Variants in KMT2B observed in about 807,000 individuals in gnomAD.
The protein encoded by KMT2B is lysine methyltransferase 2B, also known as histone-lysine N-methyltransferase 2B.
In KMT2B, 22 loss-of-function variants were observed where a neutral mutation model predicts 255.3. That is an observed-to-expected ratio of 0.09 (90% CI 0.06 to 0.12). The LOEUF is 0.12. KMT2B is among the 10% of genes least tolerant of loss of function. The pLI is 1.00. For missense variants in KMT2B, 3,149 were observed against 3,737.0 expected, an observed-to-expected ratio of 0.84 and a Z score of 4.10; for synonymous variants, 1,730 against 1,498.1, an observed-to-expected ratio of 1.15 and a Z score of -3.57.
intron 8 of KMT2B, 68 bp from the exon 9 acceptor site, chr19:35,724,569 A>G (rs1204681580): frequency 4.6e-6 from 6 of 1,308,456 alleles, no homozygotes; most frequent in East Asian, 2.5e-5. Flanking sequence ...TCCAGGTAAC[A>G]TTTGGGGTTG....
Position 35,729,144 on chromosome 19 carries a change from C to T in KMT2B, c.4780-15C>T. 6.2e-7 allele frequency: 1 copy of T among 1,613,882 alleles called. No individual in the cohort carries two copies. Among genetic ancestry groups the T allele is most frequent in the East Asian group, 2.2e-5 (1 of 44,880 alleles). ...CCTGGCCTCCCCACATCATGCCACT[C>T]CTCTTCTGCCCCAGGAGGCGGGGCG... is the stretch of plus-strand genomic sequence containing the variant. On this transcript the variant is annotated splice_polypyrimidine_tract_variant and intron_variant, in intron 21 of 36. Transcript: ENST00000420124.
chr19:35,727,265 C>T lies in KMT2B; in HGVS notation c.4113C>T (p.Leu1371=). ...GGGTGCATGCCAAGTGCGAGGGGCT[C>T]TCAGGTGAGTCAGTGGAGCACCTGG... ...DHWVHAKCEG[L]SDEDYEILSG... is the part of the protein sequence containing the mutation. Residue 1371 remains leucine (L), a synonymous_variant, in exon 15 of 37, where the codon CTC becomes CTT. Transcript: ENST00000420124. This position sits in a 1 kb window ranked among gnomAD's most constrained non-coding sequence, Gnocchi z 4.2. The T allele has an allele frequency of 1.2e-6, 2 of 1,612,432 alleles. No individual in the cohort carries two copies. Among genetic ancestry groups the T allele is most frequent in the Non-Finnish European group, 1.7e-6 (2 of 1,178,772 alleles).
chr19:35,723,637 G>A lies in KMT2B; in HGVS notation c.3059-95G>A. 1 of 1,313,462 alleles carries A rather than the reference G, an allele frequency of 7.6e-7. No homozygotes were observed. The highest frequency in any genetic ancestry group is 1.0e-6 in the Non-Finnish European group (1 of 963,452). The allele number at this position is 1,313,462 out of a possible 1,614,324, so 81.4% of individuals were successfully genotyped here. A position where few individuals can be genotyped will look rare whatever the true frequency, so the allele number is the denominator to read the frequency against. On this transcript the variant is annotated intron_variant, in intron 7 of 36. Coordinates refer to ENST00000420124, the MANE Select transcript of KMT2B (RefSeq NM_014727.3). The surrounding 1 kb of genome is among the most constrained non-coding windows in gnomAD (Gnocchi z 7.5). ...TCCGTTGTGTGCTTTCATAGCTCCT[G>A]CGTTCATTCCCTGCCCCGCTTCTTT...
intron 18 of KMT2B, 34 bp downstream of exon 18, chr19:35,728,019 G>A (rs1352752638): frequency 1.3e-6 from 2 of 1,546,894 alleles, no homozygotes; most frequent in Admixed American, 1.9e-5. Flanking sequence ...TGGGGTGGGG[G>A]AGTGGGACCT....
rs775063117 is a variant in KMT2B at position 35,733,640 on chromosome 19, C to G, written c.7003C>G (p.Leu2335Val). ...RMKTPTVRGV[L>V]DLDRPGEPAG... is the part of the protein sequence containing the mutation. ...GAAAACCCCCACAGTGCGTGGGGTC[C>G]TTGACCTGGATCGGCCTGGGGAGCC... Residue 2335 changes from leucine (L) to valine (V), a missense_variant, in exon 29 of 37, where the codon CTT becomes GTT. Physicochemically the swap from Leu to Val is conservative, Grantham distance 32. Coordinates refer to ENST00000420124, the MANE Select transcript of KMT2B (RefSeq NM_014727.3). This position sits in a 1 kb window ranked among gnomAD's most constrained non-coding sequence, Gnocchi z 4.3. 6.3e-7 allele frequency: 1 copy of G among 1,598,056 alleles called. No homozygotes were observed. The highest frequency in any genetic ancestry group is 1.7e-5 in the Admixed American group (1 of 57,374).
At position 35,726,873 on chromosome 19, in the gene KMT2B, A is replaced by G. The variant is rs231593; in HGVS notation, c.4004-283A>G. ...ATGGCGGGCACCTGTAATCTCAGCT[A>G]CTCGGGAGGCTGAGGCAGGAGAATC... is the stretch of plus-strand genomic sequence containing the variant. On this transcript the variant is annotated intron_variant, in intron 14 of 36. Transcript: ENST00000420124. Among the ~76,000 whole-genome samples the G allele has an allele frequency of 3.1e-3, 471 of 151,302 alleles. 2 individuals carry two copies. The highest frequency in any genetic ancestry group is 0.011 in the African/African-American group (440 of 41,150).
rs200908859 is a variant in KMT2B, at chr19:35,733,229, C to T, written c.6680C>T (p.Thr2227Met). 7.1e-4 allele frequency: 1,057 copies of T among 1,490,482 alleles called. 4 individuals are homozygous for T. Among genetic ancestry groups the T allele is most frequent in the South Asian group, 3.5e-3 (288 of 81,406 alleles). The allele number at this position is 1,490,482 out of a possible 1,614,324, so 92.3% of individuals were successfully genotyped here. Residue 2227 changes from threonine (T) to methionine (M), a missense_variant, in exon 28 of 37, where the codon ACG becomes ATG. Physicochemically the swap from Thr to Met is moderately conservative, Grantham distance 81. Transcript: ENST00000420124. This position sits in a 1 kb window ranked among gnomAD's most constrained non-coding sequence, Gnocchi z 4.3. ...CCTTTGCCCCCCACCATTTCCCCCA[C>T]GGCTCCCACCTCCTGGACTCTGCCC... ...QPPLPPTISP[T>M]APTSWTLPPG...
intron 26 of KMT2B, 53 bp from the exon 27 acceptor site, chr19:35,731,855 C>A: frequency 7.5e-7 from 1 of 1,335,552 alleles, no homozygotes; most frequent in Non-Finnish European, 1.1e-6. Context: ...AGCATGTGGG[C>A]AGGCTTTGAC....
chr19:35,718,126 G>A lies in KMT2B; in HGVS notation c.108G>A (p.Arg36=). The part of the protein sequence containing the change: ...GAGGGGGRGG[R]GNGAERVRVA... ...GCGGGGGCGGGGGCCGCGGCGGACGGGGCAACGGGGCCGAAAGAGTGCGGG... is the reference window on the plus strand; with the variant it reads ...GCGGGGGCGGGGGCCGCGGCGGACGAGGCAACGGGGCCGAAAGAGTGCGGG... Residue 36 remains arginine, a synonymous_variant, in exon 1 of 37, where the codon CGG becomes CGA. Transcript: ENST00000420124. The surrounding 1 kb of genome is among the most constrained non-coding windows in gnomAD (Gnocchi z 5.0). 9.8e-7 allele frequency: 1 copy of A among 1,017,218 alleles called. No homozygotes were observed. Among genetic ancestry groups the A allele is most frequent in the Non-Finnish European group, 1.2e-6 (1 of 852,318 alleles). The allele number at this position is 1,017,218 out of a possible 1,614,324, so 63.0% of individuals were successfully genotyped here.
In KMT2B at chr19:35,727,527, G is replaced by A. The variant is rs971655293; in HGVS notation, c.4207G>A (p.Glu1403Lys). Residue 1403 changes from glutamate to lysine, a missense_variant, in exon 16 of 37, where the codon GAG (glutamate) becomes AAG (lysine). Around this residue, in one of 18 missense-constraint regions of KMT2B, gnomAD observed 377 missense variants for 471.0 expected, o/e 0.80. Transcript: ENST00000420124. This position sits in a 1 kb window ranked among gnomAD's most constrained non-coding sequence, Gnocchi z 4.2. ...CAGAAQPRWR[E>K]ALSGALQGGL... ...TGGGGCAGCGCAGCCCCGCTGGCGAGAGGCCCTGAGCGGGGCCCTCCAGGG... is the reference window on the plus strand; with the variant it reads ...TGGGGCAGCGCAGCCCCGCTGGCGAAAGGCCCTGAGCGGGGCCCTCCAGGG... 6.8e-6 allele frequency: 11 copies of A among 1,609,830 alleles called. No individual in the cohort carries two copies. The highest frequency in any genetic ancestry group is 9.3e-6 in the Non-Finnish European group (11 of 1,179,676).
chr19:35,729,909 G>A, intron 22 of KMT2B, 58 bp from the exon 23 acceptor site: 2 of 1,533,642 alleles, frequency 1.3e-6, no homozygotes, highest in East Asian at 4.7e-5. Flanking sequence ...AGTGACAGTG[G>A]TGCCTGGCGC....
Position 35,727,259 on chromosome 19 carries a change from G to C in KMT2B, c.4107G>C (p.Glu1369Asp). The change falls in exon 15 of 37, where the codon GAG becomes GAC. Residue 1369 changes from glutamate to aspartate, a missense_variant. By Grantham distance (45) the Glu-to-Asp change is conservative (BLOSUM62 2). Around this residue, in one of 18 missense-constraint regions of KMT2B, gnomAD observed 377 missense variants for 471.0 expected, o/e 0.80. Transcript: ENST00000420124. This position sits in a 1 kb window ranked among gnomAD's most constrained non-coding sequence, Gnocchi z 4.2. ...QCDHWVHAKC[E>D]GLSDEDYEIL... ...ATCACTGGGTGCATGCCAAGTGCGA[G>C]GGGCTCTCAGGTGAGTCAGTGGAGC... is the stretch of plus-strand genomic sequence containing the variant. 2 of 1,613,032 alleles carry C rather than the reference G, an allele frequency of 1.2e-6. No homozygotes were observed. Among genetic ancestry groups the C allele is most frequent in the Non-Finnish European group, 1.7e-6 (2 of 1,179,328 alleles).
Position 35,721,221 on chromosome 19 carries a change from C to T in KMT2B, c.1874C>T (p.Pro625Leu), listed in dbSNP as rs1568369252. The T allele has an allele frequency of 5.4e-6, 8 of 1,492,534 alleles. No individual in the cohort carries two copies. The highest frequency in any genetic ancestry group is 2.5e-5 in the East Asian group (1 of 40,126). 92.5% of individuals were successfully genotyped at this position (1,492,534 alleles called of 1,614,324 possible). A position where few individuals can be genotyped will look rare whatever the true frequency, so the allele number is the denominator to read the frequency against. ...TRELPPPPPA[P>L]PPPPAPSPPP... ...GAGCTGCCCCCTCCTCCCCCAGCCC[C>T]TCCACCTCCCCCGGCCCCCTCCCCA... The change falls in exon 3 of 37, where the codon CCT becomes CTT. Residue 625 changes from proline to leucine, a missense_variant. Physicochemically the swap from Pro to Leu is moderately conservative, Grantham distance 98. Coordinates refer to ENST00000420124, the MANE Select transcript of KMT2B (RefSeq NM_014727.3).
Position 35,733,307 on chromosome 19 carries a change from C to CGG in KMT2B, c.6759_6760insGG (p.Pro2254GlyfsTer8). On this transcript the variant is annotated frameshift_variant, in exon 28 of 37. Transcript: ENST00000420124. LOFTEE classifies it high-confidence loss of function. The surrounding 1 kb of genome is among the most constrained non-coding windows in gnomAD (Gnocchi z 4.3). Reference sequence around the variant, plus strand: ...GTGGTCGGAGTGGTCCGCCCTGCCCCGCCCCCGCCACCCCCTCCCCTGACG... The same window carrying CGG: ...GTGGTCGGAGTGGTCCGCCCTGCCCCGGGCCCCCGCCACCCCCTCCCCTGACG... 7.0e-7 allele frequency: 1 copy of CGG among 1,430,064 alleles called. No homozygotes were observed. Among genetic ancestry groups the CGG allele is most frequent in the Non-Finnish European group, 9.6e-7 (1 of 1,042,016 alleles). The allele number at this position is 1,430,064 out of a possible 1,614,324, so 88.6% of individuals were successfully genotyped here. A position where few individuals can be genotyped will look rare whatever the true frequency, so the allele number is the denominator to read the frequency against.
chr19:35,733,630 G>T lies in KMT2B; in HGVS notation c.6993G>T (p.Val2331=), dbSNP rs1296526395. The stretch of plus-strand genomic sequence containing the variant: ...GTGTGAGGATGAAAACCCCCACAGT[G>T]CGTGGGGTCCTTGACCTGGATCGGC... ...FSRVRMKTPT[V]RGVLDLDRPG... The change falls in exon 29 of 37, where the codon GTG becomes GTT. Residue 2331 remains valine, a synonymous_variant. Coordinates refer to ENST00000420124, the MANE Select transcript of KMT2B (RefSeq NM_014727.3). The surrounding 1 kb of genome is among the most constrained non-coding windows in gnomAD (Gnocchi z 4.3). 2 of 1,594,128 alleles carry T rather than the reference G, an allele frequency of 1.3e-6. No individual in the cohort carries two copies. Among genetic ancestry groups the T allele is most frequent in the Non-Finnish European group, 1.7e-6 (2 of 1,170,624 alleles).
Position 35,727,081 on chromosome 19 carries a change from T to C in KMT2B, c.4004-75T>C, listed in dbSNP as rs978748554. The C allele has an allele frequency of 2.8e-5, 29 of 1,041,038 alleles. No individual in the cohort carries two copies. Among genetic ancestry groups the C allele is most frequent in the Non-Finnish European group, 3.3e-5 (23 of 694,384 alleles). 64.5% of individuals were successfully genotyped at this position (1,041,038 alleles called of 1,614,324 possible). A position where few individuals can be genotyped will look rare whatever the true frequency, so the allele number is the denominator to read the frequency against. On this transcript the variant is annotated intron_variant, in intron 14 of 36. Transcript: ENST00000420124. This position sits in a 1 kb window ranked among gnomAD's most constrained non-coding sequence, Gnocchi z 4.2. ...ATAGTGGAGGCAGCTAAGGTACTGC[T>C]AATCCTTGAACAGAGACACTCAGGG...
rs1249621022 is a variant in KMT2B at position 35,733,417 on chromosome 19, C to T, written c.6868C>T (p.Pro2290Ser). 5 of 1,553,166 alleles carry T rather than the reference C, an allele frequency of 3.2e-6. No individual in the cohort carries two copies. The highest frequency in any genetic ancestry group is 2.4e-5 in the South Asian group (2 of 84,190). The stretch of plus-strand genomic sequence containing the variant: ...GTCCACTTTCTCCGGCCGGTCCCCG[C>T]CAGCACCTCCCCCATACAAAGCCCC... ...RVSTFSGRSPPAPPPYKAPRL... is the reference protein window; with the variant it reads ...RVSTFSGRSPSAPPPYKAPRL... The change falls in exon 28 of 37, where the codon CCA (proline) becomes TCA (serine). Residue 2290 changes from proline to serine, a missense_variant. Pro to Ser is a moderately conservative substitution (Grantham distance 74). This residue lies in a region of KMT2B where 897 missense variants were observed against 825.3 expected (regional missense o/e 1.09). Transcript: ENST00000420124. This position sits in a 1 kb window ranked among gnomAD's most constrained non-coding sequence, Gnocchi z 4.3.
chr19:35,733,610 A>G lies in KMT2B; in HGVS notation c.6973A>G (p.Arg2325Gly). Residue 2325 changes from arginine to glycine, a missense_variant, in exon 29 of 37, where the codon AGG becomes GGG. Coordinates refer to ENST00000420124, the MANE Select transcript of KMT2B (RefSeq NM_014727.3). The surrounding 1 kb of genome is among the most constrained non-coding windows in gnomAD (Gnocchi z 4.3). ...GLGSGGFSRV[R>G]MKTPTVRGVL... is the part of the protein sequence containing the mutation. ...TCGCCCTCCCAGGTTTAGCCGTGTG[A>G]GGATGAAAACCCCCACAGTGCGTGG... 6.3e-7 allele frequency: 1 copy of G among 1,584,418 alleles called. No homozygotes were observed. The highest frequency in any genetic ancestry group is 1.3e-5 in the African/African-American group (1 of 74,356).
At chr19:35,724,039 C>T (rs1460377163) in intron 8 of KMT2B, 32 bp downstream of exon 8, 14 of 1,537,828 alleles carry the variant, frequency 9.1e-6, no homozygotes, top group African/African-American at 1.4e-5. Context: ...CTCTGTTGAT[C>T]ATTTATTTGG....
Sources: gnomAD v4.1 joint callset for allele counts (sites outside exome capture counted in the v4.1 genomes callset) on GRCh38, gnomAD v4.1.1 for gene constraint, gnomAD v4.1.1 regional missense constraint, Gnocchi (gnomAD v3.1) non-coding constraint, MANE v1.5 for transcripts, NCBI Gene and HGNC (gene_info 2026-07-23, HGNC 2026-07-21) for gene names.